LRPPRC: variants seen among roughly 807,000 people sequenced by gnomAD.
LRPPRC encodes leucine-rich PPR motif-containing protein, mitochondrial.
Under a neutral mutation model 180.3 loss-of-function variants are expected in LRPPRC, and 120 were observed. That is an observed-to-expected ratio of 0.67 (90% CI 0.57 to 0.77). The LOEUF is 0.77. Ranked by LOEUF, LRPPRC falls within the 30% of genes least tolerant of loss-of-function variation. The pLI is 0.00. For missense variants in LRPPRC, 2,012 were observed against 1,657.2 expected (o/e 1.21, Z -3.72); for synonymous variants, 723 against 600.0 (o/e 1.21, Z -3.00).
chr2:43,923,516 T>G (rs1020247970), intron 27 of LRPPRC, among the ~76,000 whole-genome samples: 2 of 152,088 alleles, frequency 1.3e-5, no homozygotes, highest in Non-Finnish European at 2.9e-5. Context: ...AAAGTTCTTC[T>G]GAATAGGAAG....
At chr2:43,984,496 A>G (rs1229979898) in intron 1 of LRPPRC, among the ~76,000 whole-genome samples, 2 of 152,218 alleles carry the variant, frequency 1.3e-5, no homozygotes, top group African/African-American at 2.4e-5. Context: ...TCTCCTTCTC[A>G]TAAGTGTGCT....
intron 35 of LRPPRC, 145 bp from the exon 36 acceptor site, chr2:43,894,774 T>A: frequency 1.6e-6 from 1 of 624,174 alleles, no homozygotes; most frequent in Non-Finnish European, 2.9e-6. Flanking sequence ...GTCCCTTGTA[T>A]ATTAGCATTT....
At chr2:43,911,232 A>G (rs1397180776) in intron 30 of LRPPRC, among the ~76,000 whole-genome samples, 1 of 151,778 alleles carries the variant, frequency 6.6e-6, no homozygotes, top group African/African-American at 2.4e-5. Flanking sequence ...AAAACCCAAC[A>G]GTCCTAGTGC....
chr2:43,908,610 C>T (rs1671143809), intron 30 of LRPPRC, among the ~76,000 whole-genome samples: 1 of 137,958 alleles, frequency 7.2e-6, no homozygotes, highest in Admixed American at 7.5e-5. Flanking sequence ...CAACCTCCGC[C>T]TCCCGGGTTC....
intron 1 of LRPPRC, among the ~76,000 whole-genome samples, chr2:43,986,853 A>T (rs899583353): frequency 6.6e-6 from 1 of 152,242 alleles, no homozygotes; most frequent in African/African-American, 2.4e-5. Flanking sequence ...AAAGTCTCTA[A>T]TGGCAGATAA....
chr2:43,972,228 A>C (rs1673853623), intron 11 of LRPPRC, among the ~76,000 whole-genome samples: 1 of 152,194 alleles, frequency 6.6e-6, no homozygotes, highest in African/African-American at 2.4e-5. Flanking sequence ...CAGTTCCTTC[A>C]TTCACGTAAT....
intron 37 of LRPPRC, 107 bp from the exon 38 acceptor site, chr2:43,888,763 C>T: frequency 1.4e-6 from 1 of 700,970 alleles, no homozygotes; most frequent in South Asian, 1.5e-5. Context: ...GACTGCCAGG[C>T]CCATGGAAGA....
At chr2:43,947,861 C>T in intron 18 of LRPPRC, 86 bp from the exon 19 acceptor site, 2 of 855,804 alleles carry the variant, frequency 2.3e-6, no homozygotes, top group Non-Finnish European at 4.1e-6. Flanking sequence ...TTGTAAGTCT[C>T]ACCTCATATT....
rs1178603088 is a variant in LRPPRC, at chr2:43,995,894, C to T, written c.54G>A (p.Pro18=). The change falls in exon 1 of 38, where the codon CCG becomes CCA. Residue 18 remains proline, a synonymous_variant. Transcript: ENST00000260665. ...GGAGGCGCAGGGAGAGCGGGAGGCG[C>T]GGGGCCGCCCCGGCACGCAGCAACC... is the stretch of plus-strand genomic sequence containing the variant. The part of the protein sequence containing the change: ...ARWLLRAGAA[P]RLPLSLRLLP... The T allele has an allele frequency of 2.6e-6, 4 of 1,510,336 alleles. No individual in the cohort carries two copies. Among genetic ancestry groups the T allele is most frequent in the Admixed American group, 2.1e-5 (1 of 48,312 alleles). 93.6% of individuals were successfully genotyped at this position (1,510,336 alleles called of 1,614,324 possible).
chr2:43,980,011 A>AAAATTTAAATC, intron 2 of LRPPRC, 63 bp from the exon 3 acceptor site: 4 of 1,503,646 alleles, frequency 2.7e-6, no homozygotes, highest in Non-Finnish European at 3.7e-6. Context: ...GATAAATATC[A>AAAATTTAAATC]AAATTTAAAC....
At chr2:43,921,916 C>T (rs1014447602) in intron 27 of LRPPRC, among the ~76,000 whole-genome samples, 1 of 152,126 alleles carries the variant, frequency 6.6e-6, no homozygotes, top group African/African-American at 2.4e-5. Context: ...TGCAAAATTA[C>T]AAATGTAAGG....
rs115486705 is a variant in LRPPRC at position 43,993,568 on chromosome 2, C to G, written c.149+2231G>C. Among the ~76,000 whole-genome samples, 901 of 152,076 alleles carry G rather than the reference C, an allele frequency of 5.9e-3. 9 individuals carry two copies. The highest frequency in any genetic ancestry group is 0.021 in the African/African-American group (857 of 41,458). On this transcript the variant is annotated intron_variant, in intron 1 of 37. Coordinates refer to ENST00000260665, the MANE Select transcript of LRPPRC (RefSeq NM_133259.4). ...GTTCCAGGAAAGGTTCTGTGTTTCA[C>G]GTGGGCAAGATCTGGGCATGCTTAC...
chr2:43,948,564 C>A, intron 16 of LRPPRC, 46 bp from the exon 17 acceptor site: 2 of 916,030 alleles, frequency 2.2e-6, no homozygotes, highest in Non-Finnish European at 3.7e-6. Flanking sequence ...ATTACCGAGA[C>A]TGTCATGTTA....
chr2:43,918,804 T>G (rs1005839469), intron 27 of LRPPRC, among the ~76,000 whole-genome samples: 3 of 136,542 alleles, frequency 2.2e-5, no homozygotes, highest in African/African-American at 6.3e-5. Flanking sequence ...TATATATATA[T>G]ATATAGATAT....
chr2:43,995,270 A>C (rs1327286942), intron 1 of LRPPRC, among the ~76,000 whole-genome samples: 20 of 152,218 alleles, frequency 1.3e-4, no homozygotes, highest in Admixed American at 1.3e-3. Context: ...AAGAGAACGC[A>C]GGCAAAAGCC....
intron 23 of LRPPRC, among the ~76,000 whole-genome samples, chr2:43,939,476 G>A (rs914399621): frequency 1.3e-5 from 2 of 151,628 alleles, no homozygotes; most frequent in African/African-American, 4.8e-5. Context: ...GGCTGTGGGG[G>A]GAGAAAAAAG....
At chr2:43,909,291 CTTTGGATCTTGGG>C (rs1236271361) in intron 30 of LRPPRC, among the ~76,000 whole-genome samples, 1 of 152,130 alleles carries the variant, frequency 6.6e-6, no homozygotes, top group African/African-American at 2.4e-5. Context: ...TGACTTCAGG[CTTTGGATCTTGGG>C]TTCTCTTGGG....
At chr2:43,959,978 T>C (rs554546965) in intron 13 of LRPPRC, among the ~76,000 whole-genome samples, 1 of 152,362 alleles carries the variant, frequency 6.6e-6, no homozygotes, top group South Asian at 2.1e-4. Context: ...ATCACTAACC[T>C]TGGGCAAATC....
At chr2:43,966,406 G>A (rs919408325) in intron 11 of LRPPRC, among the ~76,000 whole-genome samples, 6 of 140,808 alleles carry the variant, frequency 4.3e-5, no homozygotes, top group African/African-American at 1.3e-4. Flanking sequence ...AAGTGTTCTG[G>A]CCACAATATT....
Sources: allele counts gnomAD v4.1 joint callset (sites outside exome capture counted in the v4.1 genomes callset), GRCh38; gene constraint gnomAD v4.1.1; transcripts MANE v1.5; gene names NCBI Gene and HGNC (gene_info 2026-07-23, HGNC 2026-07-21).